Variants in FUBP3 observed in about 807,000 individuals in gnomAD.
The protein encoded by FUBP3 is far upstream element-binding protein 3.
A neutral mutation model predicts 85.6 loss-of-function variants in FUBP3; 28 were observed. That is an observed-to-expected ratio of 0.33 (90% CI 0.24 to 0.45). FUBP3 has a LOEUF of 0.45. FUBP3 is among the 20% of genes least tolerant of loss of function. The probability of loss-of-function intolerance (pLI) is 1.00; values close to 1 mark genes in which losing one functional copy is unlikely to be tolerated. For synonymous variants in FUBP3, 271 were observed against 271.4 expected, an observed-to-expected ratio of 1.00 and a Z score of 0.01; for missense variants, 583 against 755.1, an observed-to-expected ratio of 0.77 and a Z score of 2.67.
At position 130,632,213 on chromosome 9, in the gene FUBP3, C is replaced by A; in HGVS notation, c.1445C>A (p.Ala482Asp). Residue 482 changes from alanine (A) to aspartate (D), a missense_variant, in exon 16 of 19, where the codon GCC (alanine) becomes GAC (aspartate). By Grantham distance (126) the Ala-to-Asp change is moderately radical. This residue lies in a region of FUBP3 where 404 missense variants were observed against 516.8 expected (regional missense o/e 0.78). Coordinates refer to ENST00000319725, the MANE Select transcript of FUBP3 (RefSeq NM_003934.2). ...CTTGTTATCCACAGTGGTCCTCCGG[C>A]CTTTCTGACCCAGGGCTGGGGCAGC... ...PHSTPVSGPP[A>D]FLTQGWGSTY... 1.9e-6 allele frequency: 3 copies of A among 1,613,926 alleles called. No homozygotes were observed. Among genetic ancestry groups the A allele is most frequent in the Non-Finnish European group, 2.5e-6 (3 of 1,179,790 alleles).
intron 3 of FUBP3, 119 bp downstream of exon 3, chr9:130,610,106 C>T: frequency 3.7e-6 from 3 of 821,154 alleles, no homozygotes; most frequent in Admixed American, 4.3e-5. Flanking sequence ...ATGGGTTAGG[C>T]TTCTTTAAGA....
At chr9:130,613,325 C>T (rs528759618) in intron 5 of FUBP3, among the ~76,000 whole-genome samples, 22 of 152,292 alleles carry the variant, frequency 1.4e-4, no homozygotes, top group African/African-American at 4.8e-4. Context: ...AATGTTATGC[C>T]AGACATAGTG....
chr9:130,616,669 C>G lies in FUBP3; in HGVS notation c.567+152C>G. The G allele has an allele frequency of 1.4e-6, 1 of 706,184 alleles. No homozygotes were observed. The highest frequency in any genetic ancestry group is 1.8e-5 in the South Asian group (1 of 54,514). The allele number at this position is 706,184 out of a possible 1,614,324, so 43.7% of individuals were successfully genotyped here. The stretch of plus-strand genomic sequence containing the variant: ...CTTCCTTCCTCCATTTGACAGACAG[C>G]TTCTGAACATACACCACGGCCACGT... On this transcript the variant is annotated intron_variant, in intron 7 of 18. Transcript: ENST00000319725. This position sits in a 1 kb window ranked among gnomAD's most constrained non-coding sequence, Gnocchi z 4.7.
chr9:130,622,320 CAAAA>C (rs917479721), intron 9 of FUBP3, among the ~76,000 whole-genome samples: 2 of 44,332 alleles, frequency 4.5e-5, no homozygotes, highest in Non-Finnish European at 9.4e-5. Flanking sequence ...ACTCCATCTC[CAAAA>C]AAAAAAAAAA....
At chr9:130,624,337 C>T (rs1306045076) in intron 11 of FUBP3, among the ~76,000 whole-genome samples, 1 of 152,228 alleles carries the variant, frequency 6.6e-6, no homozygotes, top group Non-Finnish European at 1.5e-5. Context: ...TTGCACCAGG[C>T]AGTGCTCTCT....
intron 2 of FUBP3, among the ~76,000 whole-genome samples, chr9:130,601,899 T>G (rs1472157778): frequency 6.9e-6 from 1 of 144,662 alleles, no homozygotes; most frequent in Non-Finnish European, 1.5e-5. Flanking sequence ...CCTCCCAGGT[T>G]CAAGTGATTC....
chr9:130,621,221 C>T (rs1226315870), intron 9 of FUBP3, among the ~76,000 whole-genome samples: 1 of 152,146 alleles, frequency 6.6e-6, no homozygotes, highest in Non-Finnish European at 1.5e-5. Flanking sequence ...TGGTGGTTCA[C>T]GCCTGTAATC....
intron 12 of FUBP3, among the ~76,000 whole-genome samples, chr9:130,627,202 G>A (rs1010489265): frequency 4.2e-5 from 6 of 143,774 alleles, no homozygotes; most frequent in Non-Finnish European, 4.4e-5. Context: ...AAAGGCTACT[G>A]AGACCAGGGC....
chr9:130,586,403 T>C (rs1830338707), intron 1 of FUBP3, among the ~76,000 whole-genome samples: 1 of 152,176 alleles, frequency 6.6e-6, no homozygotes, highest in Non-Finnish European at 1.5e-5. Flanking sequence ...TCTCTCTCTC[T>C]CTTTTTTTTG....
chr9:130,620,351 C>A lies in FUBP3; in HGVS notation c.667-3C>A. On this transcript the variant is annotated splice_polypyrimidine_tract_variant and splice_region_variant and intron_variant, in intron 8 of 18. Transcript: ENST00000319725. Reference sequence around the variant, plus strand: ...ATAATGCTTTTTGTTTGTGTTTATGCAGCAAGCAAGAGAAATGGTACTAGA... The same window carrying A: ...ATAATGCTTTTTGTTTGTGTTTATGAAGCAAGCAAGAGAAATGGTACTAGA... 1.3e-6 allele frequency: 2 copies of A among 1,533,118 alleles called. No individual in the cohort carries two copies. The highest frequency in any genetic ancestry group is 1.2e-5 in the South Asian group (1 of 83,374). 95.0% of individuals were successfully genotyped at this position (1,533,118 alleles called of 1,614,324 possible). A position where few individuals can be genotyped will look rare whatever the true frequency, so the allele number is the denominator to read the frequency against.
At chr9:130,629,251 G>A (rs914706238) in intron 12 of FUBP3, among the ~76,000 whole-genome samples, 9 of 152,196 alleles carry the variant, frequency 5.9e-5, no homozygotes, top group Admixed American at 3.3e-4. Flanking sequence ...CCAGACAGGC[G>A]GGTCTGGCCA....
chr9:130,601,953 C>T (rs1329367328), intron 2 of FUBP3, among the ~76,000 whole-genome samples: 1 of 152,082 alleles, frequency 6.6e-6, no homozygotes, highest in Non-Finnish European at 1.5e-5. Context: ...AGGCGTGCGC[C>T]ACCACAACTA....
rs751215774 is a variant in FUBP3, at chr9:130,635,519, G to T, written c.1583-480G>T. Among the ~76,000 whole-genome samples the T allele has an allele frequency of 6.6e-6, 1 of 152,102 alleles. No homozygotes were observed. The highest frequency in any genetic ancestry group is 1.5e-5 in the Non-Finnish European group (1 of 68,016). ...GGCCCTTCTAGGGGTTGGAGGTGGGGGTGTTGAGTCATGGTCACCAGAGTG... is the reference window on the plus strand; with the variant it reads ...GGCCCTTCTAGGGGTTGGAGGTGGGTGTGTTGAGTCATGGTCACCAGAGTG... On this transcript the variant is annotated intron_variant, in intron 17 of 18. Transcript: ENST00000319725. The surrounding 1 kb of genome is among the most constrained non-coding windows in gnomAD (Gnocchi z 4.3).
intron 2 of FUBP3, among the ~76,000 whole-genome samples, chr9:130,601,893 C>T (rs1371257606): frequency 6.8e-6 from 1 of 146,122 alleles, no homozygotes; most frequent in Non-Finnish European, 1.5e-5. Context: ...CCTCTGCCTC[C>T]CAGGTTCAAG....
chr9:130,591,237 GTT>G (rs1830611853), intron 1 of FUBP3, among the ~76,000 whole-genome samples: 1 of 152,138 alleles, frequency 6.6e-6, no homozygotes, highest in Admixed American at 6.5e-5. Context: ...GAGGGCAGGA[GTT>G]TGAGACCAGC....
chr9:130,591,832 A>G (rs536623457), intron 1 of FUBP3, among the ~76,000 whole-genome samples: 127 of 152,370 alleles, frequency 8.3e-4, no homozygotes, highest in Non-Finnish European at 1.3e-3. Flanking sequence ...GAAGCTGTCG[A>G]AACAACTTTT....
intron 12 of FUBP3, among the ~76,000 whole-genome samples, chr9:130,627,542 A>C (rs955768901): frequency 6.6e-6 from 1 of 152,204 alleles, no homozygotes; most frequent in Non-Finnish European, 1.5e-5. Context: ...GCTCACAGAC[A>C]CTGTGGGCTT....
Position 130,637,124 on chromosome 9 carries a change from T to C in FUBP3, c.*102T>C, listed in dbSNP as rs1170387235. ...TTGCAAACCTTTTGATGAAGAACTG[T>C]TGTTTTGTTCTGTGAAACACTATAT... On this transcript the variant is annotated 3_prime_UTR_variant, in exon 19 of 19. Coordinates refer to ENST00000319725, the MANE Select transcript of FUBP3 (RefSeq NM_003934.2). The C allele has an allele frequency of 2.1e-6, 2 of 963,398 alleles. No homozygotes were observed. The highest frequency in any genetic ancestry group is 3.2e-5 in the African/African-American group (2 of 62,502). The allele number at this position is 963,398 out of a possible 1,614,324, so 59.7% of individuals were successfully genotyped here. A position where few individuals can be genotyped will look rare whatever the true frequency, so the allele number is the denominator to read the frequency against.
Position 130,632,290 on chromosome 9 carries a change from G to A in FUBP3, c.1510+12G>A, listed in dbSNP as rs772056945. The A allele has an allele frequency of 4.8e-5, 77 of 1,604,216 alleles. No individual in the cohort carries two copies. Among genetic ancestry groups the A allele is most frequent in the East Asian group, 1.8e-4 (8 of 44,864 alleles). ...ACAGCAGGTCCCAAGTAAGTGACTC[G>A]GGGCGGGGAGTGCATGCCCTCCAGA... is the stretch of plus-strand genomic sequence containing the variant. On this transcript the variant is annotated intron_variant, in intron 16 of 18. Coordinates refer to ENST00000319725, the MANE Select transcript of FUBP3 (RefSeq NM_003934.2).
Sources: gnomAD v4.1 joint callset for allele counts (sites outside exome capture counted in the v4.1 genomes callset) on GRCh38, gnomAD v4.1.1 for gene constraint, gnomAD v4.1.1 regional missense constraint, Gnocchi (gnomAD v3.1) non-coding constraint, MANE v1.5 for transcripts, NCBI Gene and HGNC (gene_info 2026-07-23, HGNC 2026-07-21) for gene names.